Variants in AGT observed in about 807,000 individuals in gnomAD.
AGT encodes the protein angiotensinogen, also known as alpha-1 antiproteinase, antitrypsin.
AGT carries 26 observed loss-of-function variants against 28.1 expected under a neutral mutation model. The observed-to-expected ratio is 0.92, with a 90% CI of 0.68 to 1.28. AGT has a LOEUF of 1.28. AGT is among the 50% of genes most tolerant of loss of function. The pLI is 0.00. For synonymous variants in AGT, 259 were observed against 259.6 expected (o/e 1.00, Z 0.02); for missense variants, 596 against 592.3 (o/e 1.01, Z -0.06).
intron 1 of AGT, among the ~76,000 whole-genome samples, chr1:230,744,734 C>T (rs1030285894): frequency 1.3e-5 from 2 of 152,100 alleles, no homozygotes; most frequent in African/African-American, 4.8e-5. Context: ...AGGACAAGAC[C>T]CCAGCCTGGA....
chr1:230,705,820 T>G (rs1663367651), intron 3 of AGT, 113 bp downstream of exon 3: 1 of 1,433,988 alleles, frequency 7.0e-7, no homozygotes, highest in Non-Finnish European at 9.8e-7. Context: ...ACCGCGGCCC[T>G]GCCCTGCTCT....
intron 1 of AGT, among the ~76,000 whole-genome samples, chr1:230,724,821 G>A (rs190049955): frequency 6.6e-6 from 1 of 152,214 alleles, no homozygotes; most frequent in Admixed American, 6.5e-5. Context: ...GTAAGACATT[G>A]TCACAAACAA....
upstream of AGT, chr1:230,714,126 C>T (rs5051): frequency 0.58 from 88,594 of 152,032 alleles, 28,516 homozygotes; most frequent in African/African-American, 0.84. Flanking sequence ...CTTCTTCCCC[C>T]GGCCGGGTCA....
intron 1 of AGT, among the ~76,000 whole-genome samples, chr1:230,733,240 G>A (rs575874470): frequency 1.6e-4 from 25 of 152,152 alleles, no homozygotes; most frequent in Admixed American, 9.2e-4. Context: ...CCGAGATTGC[G>A]CCATTGCACT....
At chr1:230,723,717 C>T (rs1663887428) in intron 1 of AGT, among the ~76,000 whole-genome samples, 1 of 152,112 alleles carries the variant, frequency 6.6e-6, no homozygotes, top group South Asian at 2.1e-4. Context: ...GATTGTTCTG[C>T]TTCTATTTTC....
chr1:230,704,087 C>T (rs764950584), intron 4 of AGT, 106 bp downstream of exon 4: 1 of 1,563,186 alleles, frequency 6.4e-7, no homozygotes, highest in Non-Finnish European at 8.8e-7. Context: ...CTCCCTCTTG[C>T]CCTGCTGGCC....
Position 230,703,005 on chromosome 1 carries a change from G to A in AGT, c.*136C>T, listed in dbSNP as rs904725570. On this transcript the variant is annotated 3_prime_UTR_variant, in exon 5 of 5. Transcript: ENST00000366667. ...AACGGCTGCTTTCCAGCTCAAAGTC[G>A]ACTCATTAGAAGAAAAGGTGGGAGA... The A allele has an allele frequency of 2.3e-5, 23 of 987,124 alleles. No homozygotes were observed. The highest frequency in any genetic ancestry group is 7.5e-5 in the Admixed American group (3 of 40,120). 61.1% of individuals were successfully genotyped at this position (987,124 alleles called of 1,614,324 possible).
At chr1:230,706,319 G>T in intron 2 of AGT, 119 bp from the exon 3 acceptor site, 1 of 1,198,836 alleles carries the variant, frequency 8.3e-7, no homozygotes, top group Non-Finnish European at 1.2e-6. Flanking sequence ...CTCCTTCCTT[G>T]GCCCCCCCCA....
Position 230,739,567 on chromosome 1 carries a change from C to CG in AGT, c.-31+5947dup, listed in dbSNP as rs1258584646. Among the ~76,000 whole-genome samples, 4 of 152,034 alleles carry CG rather than the reference C, an allele frequency of 2.6e-5. No individual in the cohort carries two copies. In the East Asian group the frequency reaches 7.7e-4, roughly 29 times the overall value. Reference sequence around the variant, plus strand: ...AACCAGGTGGAGGGCTCATCATTAACGGGAAATGTTGGAGCCAGGCTGAGC... The same window carrying CG: ...AACCAGGTGGAGGGCTCATCATTAACGGGGAAATGTTGGAGCCAGGCTGAGC... On this transcript the variant is annotated intron_variant, in intron 1 of 4. Transcript: ENST00000681269.
intron 1 of AGT, among the ~76,000 whole-genome samples, chr1:230,723,237 C>T (rs1663880593): frequency 6.6e-6 from 1 of 152,032 alleles, no homozygotes; most frequent in African/African-American, 2.4e-5. Flanking sequence ...TGAGGCCTCC[C>T]CAGCCATGCA....
upstream of AGT, among the ~76,000 whole-genome samples, chr1:230,717,347 A>G (rs758107879): frequency 1.3e-4 from 20 of 151,932 alleles, no homozygotes; most frequent in Non-Finnish European, 2.1e-4. Flanking sequence ...CTACTTTCCA[A>G]TCTCTTGACC....
chr1:230,742,986 G>C (rs368063428), intron 1 of AGT, among the ~76,000 whole-genome samples: 1 of 152,090 alleles, frequency 6.6e-6, no homozygotes, highest in African/African-American at 2.4e-5. Context: ...CAGCAAGTAG[G>C]GGGGTGTTTT....
chr1:230,734,238 A>G (rs1453699689), intron 1 of AGT, among the ~76,000 whole-genome samples: 2 of 152,224 alleles, frequency 1.3e-5, no homozygotes, highest in Non-Finnish European at 2.9e-5. Flanking sequence ...GACATATGCT[A>G]CATCATGGAT....
intron 1 of AGT, among the ~76,000 whole-genome samples, chr1:230,726,402 A>T (rs1663943212): frequency 6.6e-6 from 1 of 152,152 alleles, no homozygotes; most frequent in Admixed American, 6.5e-5. Context: ...CTGAAAAAAA[A>T]GTCTGAATGT....
chr1:230,731,368 T>C (rs2478521), intron 1 of AGT, among the ~76,000 whole-genome samples: 8,217 of 152,250 alleles, frequency 0.054, 281 homozygotes, highest in Middle Eastern at 0.14. Context: ...ACATAGCCAG[T>C]TATTTCTTCA....
chr1:230,705,914 G>A lies in AGT; in HGVS notation c.1097+19C>T. ...ACAGTGTGGCTCCCACATTCCAGGG[G>A]AGACCGGGAGGCTCCTACCGGGGAG... On this transcript the variant is annotated intron_variant, in intron 3 of 4. Transcript: ENST00000366667. 1 of 1,613,842 alleles carries A rather than the reference G, an allele frequency of 6.2e-7. No individual in the cohort carries two copies. Among genetic ancestry groups the A allele is most frequent in the South Asian group, 1.1e-5 (1 of 90,952 alleles).
intron 1 of AGT, among the ~76,000 whole-genome samples, chr1:230,741,468 G>T (rs1404072570): frequency 2.6e-5 from 4 of 152,260 alleles, no homozygotes; most frequent in African/African-American, 4.8e-5. Flanking sequence ...CAGCGAGTGT[G>T]GGGGAGATTT....
At chr1:230,744,422 C>G (rs1460960037) in intron 1 of AGT, among the ~76,000 whole-genome samples, 1 of 152,190 alleles carries the variant, frequency 6.6e-6, no homozygotes, top group Non-Finnish European at 1.5e-5. Flanking sequence ...GCCATGAGCT[C>G]TGCAGGAAAG....
chr1:230,722,254 G>A (rs1050024216), intron 1 of AGT, among the ~76,000 whole-genome samples: 1 of 152,246 alleles, frequency 6.6e-6, no homozygotes, highest in Non-Finnish European at 1.5e-5. Context: ...AAGAATTGAG[G>A]TTTGGGAACC....
Sources: gnomAD v4.1 joint callset for allele counts (sites outside exome capture counted in the v4.1 genomes callset) on GRCh38, gnomAD v4.1.1 for gene constraint, MANE v1.5 for transcripts, NCBI Gene and HGNC (gene_info 2026-07-23, HGNC 2026-07-21) for gene names.